The following USP6NL variants were observed in gnomAD, a reference collection of about 807,000 sequenced individuals.
The protein encoded by USP6NL is USP6 N-terminal-like protein.
Under a neutral mutation model 61.9 loss-of-function variants are expected in USP6NL, and 26 were observed. The ratio of observed to expected loss-of-function variants is 0.42; its 90% confidence interval spans 0.31 to 0.58. USP6NL has a LOEUF of 0.58. Ranked by LOEUF, USP6NL falls within the 20% of genes least tolerant of loss-of-function variation. The probability of loss-of-function intolerance (pLI) is 0.16; values close to 1 mark genes in which losing one functional copy is unlikely to be tolerated. For synonymous variants in USP6NL, 432 were observed against 390.1 expected, an observed-to-expected ratio of 1.11 and a Z score of -1.27; for missense variants, 1,114 against 1,034.3, an observed-to-expected ratio of 1.08 and a Z score of -1.06.
intron 2 of USP6NL, among the ~76,000 whole-genome samples, chr10:11,560,805 T>C (rs1315036528): frequency 2.6e-5 from 4 of 151,006 alleles, no homozygotes; most frequent in South Asian, 2.1e-4. Context: ...AGAACTAATT[T>C]ATCCTATTGT....
chr10:11,527,343 G>C (rs1223263232), intron 3 of USP6NL, among the ~76,000 whole-genome samples, 157 bp downstream of exon 3: 1 of 152,156 alleles, frequency 6.6e-6, no homozygotes, highest in Non-Finnish European at 1.5e-5. Context: ...AAAGGATGAA[G>C]AAAGACAGGA....
In USP6NL at chr10:11,495,051, C is replaced by T. The variant is rs1050211755; in HGVS notation, c.385-1823G>A. On this transcript the variant is annotated intron_variant, in intron 7 of 14. Coordinates refer to ENST00000609104, the MANE Select transcript of USP6NL (RefSeq NM_014688.5). This position sits in a 1 kb window ranked among gnomAD's most constrained non-coding sequence, Gnocchi z 4.6. ...AGCCGGTGTTTTCCCTTGACACTTA[C>T]GCTACTGCTAGACCTCGGTCCGCCT... Among the ~76,000 whole-genome samples the T allele has an allele frequency of 4.6e-5, 7 of 152,222 alleles. No homozygotes were observed. The highest frequency in any genetic ancestry group is 1.9e-4 in the East Asian group (1 of 5,174).
Position 11,597,605 on chromosome 10 carries a change from G to A in USP6NL, c.4+26C>T. ...TACAGCAAACGCTCCTGAGATGGCT[G>A]GAAGGAAAGGAAGCAGCGCACTTAC... On this transcript the variant is annotated intron_variant, in intron 2 of 14. Coordinates refer to ENST00000609104, the MANE Select transcript of USP6NL (RefSeq NM_014688.5). This position sits in a 1 kb window ranked among gnomAD's most constrained non-coding sequence, Gnocchi z 4.6. The A allele has an allele frequency of 1.3e-6, 2 of 1,551,022 alleles. No individual in the cohort carries two copies. Among genetic ancestry groups the A allele is most frequent in the Non-Finnish European group, 1.7e-6 (2 of 1,146,432 alleles).
chr10:11,489,267 T>A lies in USP6NL; in HGVS notation c.544-45A>T. The stretch of plus-strand genomic sequence containing the variant: ...ACAGAAGCTGGGGAGTTCAGTCGAA[T>A]TACATGCATATGTACAGAGAAAAAG... On this transcript the variant is annotated intron_variant, in intron 9 of 14. Transcript: ENST00000609104. The surrounding 1 kb of genome is among the most constrained non-coding windows in gnomAD (Gnocchi z 5.7). 1 of 1,611,042 alleles carries A rather than the reference T, an allele frequency of 6.2e-7. No individual in the cohort carries two copies. Among genetic ancestry groups the A allele is most frequent in the African/African-American group, 1.3e-5 (1 of 74,974 alleles).
intron 14 of USP6NL, among the ~76,000 whole-genome samples, chr10:11,480,975 T>C (rs1239618509): frequency 6.6e-6 from 1 of 152,216 alleles, no homozygotes; most frequent in African/African-American, 2.4e-5. Context: ...CCTCCTGTGA[T>C]CTTTCGACAT....
rs1226588823 is a variant in USP6NL at position 11,561,104 on chromosome 10, A to G, written c.5-33537T>C. ...GTTGCAAAGAAAAAACATTTAGTAT[A>G]CTCTATGTCATAGGACGGTAAAATT... On this transcript the variant is annotated intron_variant, in intron 2 of 14. Transcript: ENST00000609104. The surrounding 1 kb of genome is among the most constrained non-coding windows in gnomAD (Gnocchi z 4.1). Among the ~76,000 whole-genome samples the G allele has an allele frequency of 6.6e-6, 1 of 152,164 alleles. No individual in the cohort carries two copies. The highest frequency in any genetic ancestry group is 1.5e-5 in the Non-Finnish European group (1 of 68,022).
chr10:11,485,054 T>C lies in USP6NL; in HGVS notation c.842A>G (p.Asn281Ser). ...CFLDRTPFTL[N>S]LRIWDIYIFE... ...GATGTAGATATCCCATATTCTGAGG[T>C]TTAGTGTAAAGGGAGTCTACAATTA... Residue 281 changes from asparagine (N) to serine (S), a missense_variant, in exon 13 of 15, where the codon AAC becomes AGC. By Grantham distance (46) the Asn-to-Ser change is conservative. Coordinates refer to ENST00000609104, the MANE Select transcript of USP6NL (RefSeq NM_014688.5). This position sits in a 1 kb window ranked among gnomAD's most constrained non-coding sequence, Gnocchi z 4.8. 6.4e-7 allele frequency: 1 copy of C among 1,550,706 alleles called. No individual in the cohort carries two copies. Among genetic ancestry groups the C allele is most frequent in the Admixed American group, 2.0e-5 (1 of 50,740 alleles).
chr10:11,575,061 A>G lies in USP6NL; in HGVS notation c.4+22570T>C, dbSNP rs747025356. Among the ~76,000 whole-genome samples, 2 of 152,194 alleles carry G rather than the reference A, an allele frequency of 1.3e-5. No individual in the cohort carries two copies. Among genetic ancestry groups the G allele is most frequent in the African/African-American group, 2.4e-5 (1 of 41,444 alleles). The stretch of plus-strand genomic sequence containing the variant: ...GCCATGACAGTGAGAAAATACTTGG[A>G]AAGAGAGGACAAAAGAGGACCACTC... On this transcript the variant is annotated intron_variant, in intron 2 of 14. Transcript: ENST00000609104. The surrounding 1 kb of genome is among the most constrained non-coding windows in gnomAD (Gnocchi z 4.2).
At position 11,561,466 on chromosome 10, in the gene USP6NL, A is replaced by G. The variant is rs1229015663; in HGVS notation, c.5-33899T>C. On this transcript the variant is annotated intron_variant, in intron 2 of 14. Coordinates refer to ENST00000609104, the MANE Select transcript of USP6NL (RefSeq NM_014688.5). The surrounding 1 kb of genome is among the most constrained non-coding windows in gnomAD (Gnocchi z 4.1). ...ACACACGCATATGTATAAGGCACACAACAGAACCATACTAAGCACATTGCT... is the reference window on the plus strand; with the variant it reads ...ACACACGCATATGTATAAGGCACACGACAGAACCATACTAAGCACATTGCT... 6.6e-6 allele frequency among the ~76,000 whole-genome samples: 1 copy of G among 152,236 alleles called. No individual in the cohort carries two copies.
At chr10:11,504,855 G>C (rs2133323185) in intron 6 of USP6NL, among the ~76,000 whole-genome samples, 1 of 152,296 alleles carries the variant, frequency 6.6e-6, no homozygotes, top group African/African-American at 2.4e-5. Flanking sequence ...CCCTGACAGG[G>C]GAGGTGCTGG....
In USP6NL at chr10:11,587,925, T is replaced by C. The variant is rs1401344031; in HGVS notation, c.4+9706A>G. 1.3e-5 allele frequency among the ~76,000 whole-genome samples: 2 copies of C among 152,242 alleles called. No individual in the cohort carries two copies. The highest frequency in any genetic ancestry group is 2.9e-5 in the Non-Finnish European group (2 of 68,044). On this transcript the variant is annotated intron_variant, in intron 2 of 14. Transcript: ENST00000609104. The surrounding 1 kb of genome is among the most constrained non-coding windows in gnomAD (Gnocchi z 4.5). ...GTACTTATGCAAGAGATTTGAATCC[T>C]ATTTCAATTCAAGTAGAAATGGGGA...
At chr10:11,599,332 C>A (rs536789401) in intron 1 of USP6NL, among the ~76,000 whole-genome samples, 2 of 152,242 alleles carry the variant, frequency 1.3e-5, no homozygotes, top group East Asian at 3.9e-4. Context: ...TATGTTTATA[C>A]AAAATTTTTT....
chr10:11,462,386 G>T lies in USP6NL; in HGVS notation c.*55C>A. ...TACTGCTTTGGCAATTATGAACATA[G>T]CAATGTAGGTTTCACGTGGTTTCTC... On this transcript the variant is annotated 3_prime_UTR_variant, in exon 15 of 15. Transcript: ENST00000609104. The T allele has an allele frequency of 6.4e-7, 1 of 1,559,542 alleles. No individual in the cohort carries two copies. The highest frequency in any genetic ancestry group is 8.7e-7 in the Non-Finnish European group (1 of 1,150,952).
chr10:11,527,178 T>C (rs896552936), intron 3 of USP6NL, among the ~76,000 whole-genome samples: 2 of 152,062 alleles, frequency 1.3e-5, no homozygotes, highest in Non-Finnish European at 2.9e-5. Flanking sequence ...AGTAAGACGA[T>C]AGCATCTGGG....
rs192956858 is a variant in USP6NL, at chr10:11,499,283, T to C, written c.384+1818A>G. Reference sequence around the variant, plus strand: ...ATATTGATGACAGTGTTGAAAATCATAGGCTTGAAGGTACTGGCAGGCAAG... The same window carrying C: ...ATATTGATGACAGTGTTGAAAATCACAGGCTTGAAGGTACTGGCAGGCAAG... On this transcript the variant is annotated intron_variant, in intron 7 of 14. Transcript: ENST00000609104. The surrounding 1 kb of genome is among the most constrained non-coding windows in gnomAD (Gnocchi z 4.5). Among the ~76,000 whole-genome samples the C allele has an allele frequency of 6.6e-6, 1 of 152,332 alleles. No homozygotes were observed. Among genetic ancestry groups the C allele is most frequent in the Admixed American group, 6.5e-5 (1 of 15,294 alleles).
rs749117055 is a variant in USP6NL at position 11,596,623 on chromosome 10, C to CAA, written c.4+1006_4+1007dup. 4.7e-4 allele frequency among the ~76,000 whole-genome samples: 30 copies of CAA among 63,272 alleles called. No homozygotes were observed. The highest frequency in any genetic ancestry group is 9.6e-4 in the East Asian group (2 of 2,086). 41.5% of individuals were successfully genotyped at this position (63,272 alleles called of 152,430 possible). A position where few individuals can be genotyped will look rare whatever the true frequency, so the allele number is the denominator to read the frequency against. Reference sequence around the variant, plus strand: ...TGGGCGACAGAGGGAGACTCCGTCTCAAAAAAAAAAAAAAAAACTCTTTCT... The same window carrying CAA: ...TGGGCGACAGAGGGAGACTCCGTCTCAAAAAAAAAAAAAAAAAAACTCTTTCT... On this transcript the variant is annotated intron_variant, in intron 2 of 14. Transcript: ENST00000609104. The surrounding 1 kb of genome is among the most constrained non-coding windows in gnomAD (Gnocchi z 4.1).
At position 11,518,640 on chromosome 10, in the gene USP6NL, A is replaced by T; in HGVS notation, c.156-66T>A. The T allele has an allele frequency of 8.6e-7, 1 of 1,164,684 alleles. No individual in the cohort carries two copies. Among genetic ancestry groups the T allele is most frequent in the Non-Finnish European group, 1.3e-6 (1 of 788,600 alleles). 72.1% of individuals were successfully genotyped at this position (1,164,684 alleles called of 1,614,324 possible). On this transcript the variant is annotated intron_variant, in intron 4 of 14. Coordinates refer to ENST00000609104, the MANE Select transcript of USP6NL (RefSeq NM_014688.5). The surrounding 1 kb of genome is among the most constrained non-coding windows in gnomAD (Gnocchi z 5.3). Reference sequence around the variant, plus strand: ...AAAACAAACTTTTAAAAGCTTATATACTTATAGATACATATGACATACAAT... The same window carrying T: ...AAAACAAACTTTTAAAAGCTTATATTCTTATAGATACATATGACATACAAT...
chr10:11,586,091 C>G (rs1219819307), intron 2 of USP6NL, among the ~76,000 whole-genome samples: 1 of 152,078 alleles, frequency 6.6e-6, no homozygotes, highest in Non-Finnish European at 1.5e-5. Context: ...GTGTACTTTA[C>G]CATAATTTTT....
intron 13 of USP6NL, among the ~76,000 whole-genome samples, chr10:11,484,738 A>G (rs951564217): frequency 2.6e-5 from 4 of 152,216 alleles, no homozygotes; most frequent in African/African-American, 9.6e-5. Flanking sequence ...TGAAAATGAC[A>G]CTAATATAAA....
Sources: gnomAD v4.1 joint callset for allele counts (sites outside exome capture counted in the v4.1 genomes callset) on GRCh38, gnomAD v4.1.1 for gene constraint, Gnocchi (gnomAD v3.1) non-coding constraint, MANE v1.5 for transcripts, NCBI Gene and HGNC (gene_info 2026-07-23, HGNC 2026-07-21) for gene names.